Variants in ZBTB20 observed in about 807,000 individuals in gnomAD.
ZBTB20 encodes the protein zinc finger and BTB domain containing 20, also known as zinc finger and BTB domain-containing protein 20.
A neutral mutation model predicts 56.9 loss-of-function variants in ZBTB20; 9 were observed. The observed-to-expected ratio is 0.16, with a 90% CI of 0.10 to 0.28. The LOEUF is 0.28. Among genes scored for constraint, ZBTB20 ranks in the 10% least tolerant of loss-of-function variants. ZBTB20 has a pLI of 1.00. For synonymous variants in ZBTB20, 417 were observed against 420.7 expected (o/e 0.99, Z 0.11); for missense variants, 655 against 1,003.0 (o/e 0.65, Z 4.69).
At chr3:115,094,950 A>G (rs2083324947) in intron 1 of ZBTB20, among the ~76,000 whole-genome samples, 1 of 151,988 alleles carries the variant, frequency 6.6e-6, no homozygotes, top group Non-Finnish European at 1.5e-5. Flanking sequence ...CATAACCCCA[A>G]CCTCATACCA....
chr3:114,548,462 A>T (rs936354318), intron 6 of ZBTB20, among the ~76,000 whole-genome samples: 8 of 151,946 alleles, frequency 5.3e-5, no homozygotes, highest in African/African-American at 1.7e-4. Flanking sequence ...TGCCAAAAGG[A>T]TATCAAGTTT....
intron 2 of ZBTB20, among the ~76,000 whole-genome samples, chr3:115,049,978 T>C (rs1190307151): frequency 6.6e-6 from 1 of 152,078 alleles, no homozygotes; most frequent in Non-Finnish European, 1.5e-5. Context: ...TCAAACATCA[T>C]ATAAAACAGC....
intron 6 of ZBTB20, chr3:114,502,831 C>T (rs2044162196): frequency 6.7e-6 from 1 of 149,094 alleles, no homozygotes; most frequent in Non-Finnish European, 1.5e-5. Flanking sequence ...TCTTTCTTTC[C>T]CTCTCCTTTT....
chr3:114,344,402 C>G (rs2080031838), intron 11 of ZBTB20, among the ~76,000 whole-genome samples: 1 of 152,196 alleles, frequency 6.6e-6, no homozygotes, highest in Non-Finnish European at 1.5e-5. Context: ...GAGTATAATA[C>G]TAGCCCAACC....
intron 7 of ZBTB20, among the ~76,000 whole-genome samples, chr3:114,463,997 A>C (rs2092435912): frequency 6.6e-6 from 1 of 152,216 alleles, no homozygotes. Flanking sequence ...TGCTATTTGA[A>C]TCTTTAATTG....
chr3:114,750,289 T>C (rs1309981504), intron 5 of ZBTB20, among the ~76,000 whole-genome samples: 4 of 152,010 alleles, frequency 2.6e-5, no homozygotes, highest in African/African-American at 9.7e-5. Context: ...GGAGAAGAAA[T>C]AGGCCCTAGC....
chr3:114,460,207 A>T (rs2092263416), intron 7 of ZBTB20, among the ~76,000 whole-genome samples: 1 of 152,092 alleles, frequency 6.6e-6, no homozygotes, highest in Non-Finnish European at 1.5e-5. Context: ...GGAACTCTTA[A>T]ATTCTGGTGC....
At chr3:114,360,418 C>T (rs938106136) in intron 10 of ZBTB20, among the ~76,000 whole-genome samples, 2 of 149,942 alleles carry the variant, frequency 1.3e-5, no homozygotes, top group Non-Finnish European at 1.5e-5. Context: ...ATCTCCAGCT[C>T]ACTGCAACCT....
At chr3:114,778,244 T>TTAA (rs370933299) in intron 5 of ZBTB20, among the ~76,000 whole-genome samples, 11,514 of 137,740 alleles carry the variant, frequency 0.084, 553 homozygotes, top group Admixed American at 0.14. Context: ...TTAAAGTATG[T>TTAA]TAATAATAAT....
chr3:115,032,706 C>A (rs1461315859), intron 2 of ZBTB20, among the ~76,000 whole-genome samples: 2 of 151,048 alleles, frequency 1.3e-5, no homozygotes, highest in African/African-American at 4.9e-5. Context: ...TTTCTGACCA[C>A]AAAGGGATAA....
At chr3:114,452,943 CAT>C (rs2091725623) in intron 7 of ZBTB20, among the ~76,000 whole-genome samples, 1 of 106,646 alleles carries the variant, frequency 9.4e-6, no homozygotes, top group Non-Finnish European at 2.4e-5. Flanking sequence ...TGACAATCAA[CAT>C]ATAAATGCAT....
chr3:114,432,671 T>C (rs1471378496), intron 7 of ZBTB20, among the ~76,000 whole-genome samples: 1 of 152,194 alleles, frequency 6.6e-6, no homozygotes, highest in African/African-American at 2.4e-5. Flanking sequence ...GAGCCTGCTG[T>C]GAGACAGACT....
At chr3:114,639,914 AT>A (rs1325726345) in intron 6 of ZBTB20, among the ~76,000 whole-genome samples, 1 of 151,894 alleles carries the variant, frequency 6.6e-6, no homozygotes, top group African/African-American at 2.4e-5. Flanking sequence ...AAGAATATTT[AT>A]TTTTTTGCCC....
Position 114,326,603 on chromosome 3 carries a change from T to C in ZBTB20, c.*12402A>G, listed in dbSNP as rs1171925996. The C allele has an allele frequency of 6.6e-6, 1 of 151,706 alleles. No individual in the cohort carries two copies. The highest frequency in any genetic ancestry group is 2.4e-5 in the African/African-American group (1 of 41,360). The allele number at this position is 151,706 out of a possible 1,614,324, so 9.4% of individuals were successfully genotyped here. On this transcript the variant is annotated 3_prime_UTR_variant, in exon 12 of 12. Coordinates refer to ENST00000675478, the MANE Select transcript of ZBTB20 (RefSeq NM_001348800.3). The stretch of plus-strand genomic sequence containing the variant: ...AACAAATTAAGAAATAAAAATCCTT[T>C]ACTATCTTGAGAAGAAAGAAAGGGA...
intron 2 of ZBTB20, among the ~76,000 whole-genome samples, chr3:114,982,968 C>T (rs982940866): frequency 6.6e-6 from 1 of 151,914 alleles, no homozygotes; most frequent in African/African-American, 2.4e-5. Flanking sequence ...TCTATATCAT[C>T]CTACACACCA....
chr3:115,040,742 G>T (rs576431911), intron 2 of ZBTB20, among the ~76,000 whole-genome samples: 75 of 152,192 alleles, frequency 4.9e-4, no homozygotes, highest in African/African-American at 1.8e-3. Context: ...GGTTACATTT[G>T]CATTTTAGAC....
chr3:114,954,477 AC>A (rs1212847749), intron 3 of ZBTB20, among the ~76,000 whole-genome samples: 2 of 151,906 alleles, frequency 1.3e-5, no homozygotes, highest in East Asian at 3.8e-4. Flanking sequence ...TATTTTAGTT[AC>A]ACACACACAC....
intron 1 of ZBTB20, among the ~76,000 whole-genome samples, chr3:115,105,695 T>C (rs2083699819): frequency 6.6e-6 from 1 of 152,216 alleles, no homozygotes; most frequent in Non-Finnish European, 1.5e-5. Flanking sequence ...TATCTAATAG[T>C]AATGCAAATA....
intron 2 of ZBTB20, among the ~76,000 whole-genome samples, chr3:114,999,991 C>T (rs2079182646): frequency 6.6e-6 from 1 of 151,480 alleles, no homozygotes; most frequent in Non-Finnish European, 1.5e-5. Flanking sequence ...TTGTTTAAGG[C>T]ATAACTCTGA....
Sources: allele counts gnomAD v4.1 joint callset (sites outside exome capture counted in the v4.1 genomes callset), GRCh38; gene constraint gnomAD v4.1.1; transcripts MANE v1.5; gene names NCBI Gene and HGNC (gene_info 2026-07-23, HGNC 2026-07-21).